Variants in DPP6 observed in about 807,000 individuals in gnomAD.
DPP6 encodes A-type potassium channel modulatory protein DPP6.
Under a neutral mutation model 122.6 loss-of-function variants are expected in DPP6, and 69 were observed. The observed-to-expected ratio is 0.56, with a 90% confidence interval of 0.46 to 0.69. The LOEUF is 0.69. Among genes scored for constraint, DPP6 ranks in the 30% least tolerant of loss-of-function variants. The probability of loss-of-function intolerance (pLI) is 0.00; values close to 1 mark genes in which losing one functional copy is unlikely to be tolerated. For synonymous variants in DPP6, 418 were observed against 433.1 expected, an observed-to-expected ratio of 0.97 and a Z score of 0.43; for missense variants, 928 against 1,116.9, an observed-to-expected ratio of 0.83 and a Z score of 2.41.
intron 1 of DPP6, among the ~76,000 whole-genome samples, chr7:154,193,634 G>A (rs1479905690): frequency 6.6e-6 from 1 of 152,120 alleles, no homozygotes; most frequent in East Asian, 1.9e-4. Context: ...TGTGAGGCAG[G>A]GGCATGGGGG....
At chr7:154,051,033 G>T (rs1208432144), upstream of DPP6, among the ~76,000 whole-genome samples, 2 of 131,610 alleles carry the variant, frequency 1.5e-5, no homozygotes, top group African/African-American at 5.6e-5. Flanking sequence ...GCAGTTTCAG[G>T]CCCAGGCAGG....
At chr7:154,232,749 A>G (rs1203144055) in intron 1 of DPP6, among the ~76,000 whole-genome samples, 1 of 152,190 alleles carries the variant, frequency 6.6e-6, no homozygotes, top group Non-Finnish European at 1.5e-5. Flanking sequence ...CAGGGTATCT[A>G]TATCTGTTCC....
At chr7:154,803,719 G>C (rs1396625085) in intron 13 of DPP6, 145 bp from the exon 14 acceptor site, 2 of 1,293,876 alleles carry the variant, frequency 1.5e-6, no homozygotes, top group Non-Finnish European at 2.1e-6. Flanking sequence ...CCCAGGAGAG[G>C]AGCAGGCAGA....
intron 1 of DPP6, among the ~76,000 whole-genome samples, chr7:153,918,517 T>G (rs1800450915): frequency 1.8e-4 from 9 of 50,334 alleles, no homozygotes; most frequent in Non-Finnish European, 2.6e-4. Flanking sequence ...AAAGAAGAGG[T>G]AATTAAAACA....
chr7:153,814,473 A>C, the DPP6 span, among the ~76,000 whole-genome samples: 1 of 152,296 alleles, frequency 6.6e-6, no homozygotes, highest in Admixed American at 6.5e-5. Flanking sequence ...TCAATAGCTT[A>C]CCAACCAAAA....
At position 154,760,956 on chromosome 7, in the gene DPP6, T is replaced by C. The variant is rs1206562416; in HGVS notation, c.884-8461T>C. ...TTCAAGCGATTCTCCTGCCTCAGCC[T>C]CCCGGATAGCTGGGACTACAGGCGC... On this transcript the variant is annotated intron_variant, in intron 8 of 25. Coordinates refer to ENST00000377770, the MANE Select transcript of DPP6 (RefSeq NM_130797.4). This position sits in a 1 kb window ranked among gnomAD's most constrained non-coding sequence, Gnocchi z 4.5. Among the ~76,000 whole-genome samples the C allele has an allele frequency of 6.6e-6, 1 of 151,346 alleles. No homozygotes were observed. Among genetic ancestry groups the C allele is most frequent in the Admixed American group, 6.6e-5 (1 of 15,164 alleles).
intron 10 of DPP6, among the ~76,000 whole-genome samples, chr7:154,790,243 G>T (rs2150419725): frequency 6.6e-6 from 1 of 152,284 alleles, no homozygotes. Flanking sequence ...TATAGTCACT[G>T]ATGCAACTCA....
At chr7:154,070,585 T>C (rs1488012370) in intron 1 of DPP6, among the ~76,000 whole-genome samples, 1 of 152,324 alleles carries the variant, frequency 6.6e-6, no homozygotes, top group East Asian at 1.9e-4. Flanking sequence ...GATTTTTTTT[T>C]CCTGAATGAC....
chr7:154,399,294 C>T (rs1815362414), intron 1 of DPP6, among the ~76,000 whole-genome samples: 1 of 152,170 alleles, frequency 6.6e-6, no homozygotes, highest in African/African-American at 2.4e-5. Flanking sequence ...TAAACAGAGT[C>T]TTTATGTTCA....
the DPP6 span, among the ~76,000 whole-genome samples, chr7:153,831,511 G>A: frequency 1.3e-5 from 2 of 152,106 alleles, no homozygotes; most frequent in Admixed American, 6.6e-5. Context: ...TTCTATAAAG[G>A]GACACATAGT....
intron 7 of DPP6, among the ~76,000 whole-genome samples, chr7:154,673,714 C>A (rs924614738): frequency 6.6e-6 from 1 of 152,200 alleles, no homozygotes; most frequent in Non-Finnish European, 1.5e-5. Context: ...AATGTTAACA[C>A]AGTGTCTCTC....
At chr7:154,382,093 G>A (rs1438548756) in intron 1 of DPP6, among the ~76,000 whole-genome samples, 1 of 111,302 alleles carries the variant, frequency 9.0e-6, no homozygotes, top group African/African-American at 3.3e-5. Context: ...TTTTTTCAAT[G>A]ATCTCTGCAG....
intron 1 of DPP6, among the ~76,000 whole-genome samples, chr7:154,154,784 TAC>T (rs1180609064): frequency 6.6e-6 from 1 of 152,330 alleles, no homozygotes; most frequent in African/African-American, 2.4e-5. Context: ...TACATGCATG[TAC>T]ACACACACAT....
intron 4 of DPP6, among the ~76,000 whole-genome samples, chr7:154,565,014 G>C (rs1830654222): frequency 6.6e-6 from 1 of 152,172 alleles, no homozygotes; most frequent in African/African-American, 2.4e-5. Flanking sequence ...GTACTGTATA[G>C]TATCACTAAG....
At chr7:154,800,080 T>A (rs1798269155) in intron 12 of DPP6, among the ~76,000 whole-genome samples, 1 of 152,218 alleles carries the variant, frequency 6.6e-6, no homozygotes, top group Non-Finnish European at 1.5e-5. Context: ...TGAAGGAATA[T>A]AGCGCTACCC....
intron 8 of DPP6, among the ~76,000 whole-genome samples, chr7:154,743,940 C>T (rs1842927078): frequency 2.6e-5 from 4 of 152,162 alleles, no homozygotes; most frequent in African/African-American, 4.8e-5. Context: ...GCACATAAGT[C>T]GACCCACGCA....
chr7:154,762,930 C>A (rs1225763409), intron 8 of DPP6, among the ~76,000 whole-genome samples: 1 of 152,218 alleles, frequency 6.6e-6, no homozygotes, highest in Non-Finnish European at 1.5e-5. Flanking sequence ...AAGAAAATCA[C>A]CAAAGTGTGG....
intron 1 of DPP6, among the ~76,000 whole-genome samples, chr7:154,117,315 A>G (rs1400873951): frequency 6.6e-6 from 1 of 152,194 alleles, no homozygotes; most frequent in Non-Finnish European, 1.5e-5. Context: ...AGCAAATATG[A>G]TTTTATATCG....
chr7:154,275,766 C>G (rs143312719), intron 1 of DPP6, among the ~76,000 whole-genome samples: 118 of 152,324 alleles, frequency 7.7e-4, no homozygotes, highest in African/African-American at 2.7e-3. Flanking sequence ...AATAAAAGTA[C>G]TGGATCCCTC....
Sources: gnomAD v4.1 joint callset for allele counts (sites outside exome capture counted in the v4.1 genomes callset) on GRCh38, gnomAD v4.1.1 for gene constraint, Gnocchi (gnomAD v3.1) non-coding constraint, MANE v1.5 for transcripts, NCBI Gene and HGNC (gene_info 2026-07-23, HGNC 2026-07-21) for gene names.